HFM1: variants seen among roughly 807,000 people sequenced by gnomAD.
The protein encoded by HFM1 is helicase for meiosis 1.
HFM1 carries 169 observed loss-of-function variants against 192.1 expected under a neutral mutation model. The ratio of observed to expected loss-of-function variants is 0.88; its 90% CI spans 0.78 to 1.00. The LOEUF (loss-of-function observed/expected upper bound fraction) is 1.00, where lower values mean the gene tolerates loss of function less well. Ranked by LOEUF, HFM1 falls within the 50% of genes least tolerant of loss-of-function variation. HFM1 has a pLI of 0.00. For missense variants in HFM1, 1,661 were observed against 1,668.0 expected, an observed-to-expected ratio of 1.00 and a Z score of 0.07; for synonymous variants, 525 against 537.8, an observed-to-expected ratio of 0.98 and a Z score of 0.33.
chr1:91,318,179 CCAT>C (rs1300405333), intron 25 of HFM1, among the ~76,000 whole-genome samples: 6 of 152,106 alleles, frequency 3.9e-5, no homozygotes, highest in Admixed American at 3.3e-4. Context: ...GTGAGCCTTT[CCAT>C]CAGGAATCTC....
intron 13 of HFM1, among the ~76,000 whole-genome samples, chr1:91,356,728 AAG>A (rs1553120697): frequency 6.7e-6 from 1 of 149,814 alleles, no homozygotes; most frequent in African/African-American, 2.5e-5. Context: ...AGGAAAAAAA[AAG>A]AAGAAACAAA....
chr1:91,369,421 C>A (rs924408196), intron 13 of HFM1, among the ~76,000 whole-genome samples: 7 of 152,118 alleles, frequency 4.6e-5, no homozygotes, highest in Admixed American at 3.3e-4. Context: ...AGTGCAATCA[C>A]ACTAGAACTC....
rs767798908 is a variant in HFM1, at chr1:91,316,410, T to C, written c.2879A>G (p.Asp960Gly). 1.3e-6 allele frequency: 2 copies of C among 1,571,242 alleles called. No homozygotes were observed. Among genetic ancestry groups the C allele is most frequent in the Admixed American group, 3.5e-5 (2 of 56,424 alleles). The change falls in exon 26 of 39, where the codon GAT becomes GGT. Residue 960 changes from aspartate to glycine, a missense_variant. Physicochemically the swap from Asp to Gly is moderately conservative, Grantham distance 94. Coordinates refer to ENST00000370425, the MANE Select transcript of HFM1 (RefSeq NM_001017975.6). The part of the protein sequence containing the change: ...LTSFKKIEET[D>G]ARELELILNR... ...AACTACCAATTCAAGTTCCCTTGCATCTGTCTCTTCTATTTTTTTAAAGGA... is the reference window on the plus strand; with the variant it reads ...AACTACCAATTCAAGTTCCCTTGCACCTGTCTCTTCTATTTTTTTAAAGGA...
chr1:91,383,662 T>C (rs17131418), intron 6 of HFM1, among the ~76,000 whole-genome samples: 30,732 of 152,162 alleles, frequency 0.2, 3,790 homozygotes, highest in South Asian at 0.35. Context: ...GAATTCATTT[T>C]TCATTTTGTC....
intron 30 of HFM1, among the ~76,000 whole-genome samples, chr1:91,280,075 G>A (rs140681445): frequency 6.6e-5 from 10 of 152,016 alleles, no homozygotes; most frequent in Non-Finnish European, 1.5e-4. Context: ...TATTATATCC[G>A]CTATCTCTAC....
chr1:91,329,178 T>C lies in HFM1; in HGVS notation c.2336-4412A>G, dbSNP rs115994764. ...CGTGCAGCGACTTGACCCCAACAAG[T>C]ACCCTTTGCCAGAAAATCGGCTCCA... On this transcript the variant is annotated intron_variant, in intron 20 of 38. Transcript: ENST00000370425. 5.5e-4 allele frequency: 879 copies of C among 1,610,044 alleles called. 3 individuals are homozygous for C. In the African/African-American group the frequency reaches 0.011, roughly 19 times the overall value.
intron 25 of HFM1, 41 bp downstream of exon 25, chr1:91,319,037 T>C (rs774490356): frequency 4.4e-5 from 68 of 1,540,580 alleles, no homozygotes; most frequent in Non-Finnish European, 5.7e-5. Context: ...CAAAATAAAT[T>C]GCAGACATGG....
intron 20 of HFM1, among the ~76,000 whole-genome samples, chr1:91,336,361 C>T (rs1654579508): frequency 6.6e-6 from 1 of 151,220 alleles, no homozygotes; most frequent in Non-Finnish European, 1.5e-5. Context: ...CACCATGTTC[C>T]CTCCCCCTGC....
intron 20 of HFM1, among the ~76,000 whole-genome samples, chr1:91,329,849 C>T (rs377260188): frequency 6.6e-6 from 1 of 152,112 alleles, no homozygotes; most frequent in African/African-American, 2.4e-5. Flanking sequence ...AAGGGGGAGA[C>T]AAAAGATGTA....
At chr1:91,318,939 G>T in intron 25 of HFM1, 139 bp downstream of exon 25, 1 of 711,692 alleles carries the variant, frequency 1.4e-6, no homozygotes, top group Non-Finnish European at 2.2e-6. Flanking sequence ...TCAGATTTTC[G>T]AAAGTACAGC....
chr1:91,364,632 A>ATATATATATATTTT (rs753472335), intron 13 of HFM1, among the ~76,000 whole-genome samples: 13 of 66,782 alleles, frequency 1.9e-4, no homozygotes, highest in Admixed American at 1.3e-3. Context: ...ATATATATAT[A>ATATATATATATTTT]TTTTTTTTTT....
chr1:91,282,675 C>G (rs1667565889), intron 30 of HFM1, among the ~76,000 whole-genome samples: 1 of 152,150 alleles, frequency 6.6e-6, no homozygotes, highest in African/African-American at 2.4e-5. Context: ...ACTGATCTAT[C>G]AACAATTCTC....
chr1:91,375,608 A>T lies in HFM1; in HGVS notation c.1515T>A (p.Thr505=), dbSNP rs1271338913. Reference sequence around the variant, plus strand: ...TGAGGGTTAAATCAAACTTAAACTCAGTTTGGTTACTACTGCAGGGAAATC... The same window carrying T: ...TGAGGGTTAAATCAAACTTAAACTCTGTTTGGTTACTACTGCAGGGAAATC... ...VLGFPCSSNQ[T]EFKFDLTLNY... Residue 505 remains threonine, a synonymous_variant, in exon 12 of 39, where the codon ACT becomes ACA. Transcript: ENST00000370425. 1.9e-6 allele frequency: 3 copies of T among 1,613,556 alleles called. No individual in the cohort carries two copies. In the Admixed American group the frequency reaches 5.0e-5, roughly 27 times the overall value.
At chr1:91,403,903 G>A (rs1452534606) in intron 1 of HFM1, among the ~76,000 whole-genome samples, 1 of 151,890 alleles carries the variant, frequency 6.6e-6, no homozygotes, top group East Asian at 1.9e-4. Flanking sequence ...TACAATTATT[G>A]TATAAACTTA....
At chr1:91,369,191 G>A (rs187249604) in intron 13 of HFM1, among the ~76,000 whole-genome samples, 2 of 152,074 alleles carry the variant, frequency 1.3e-5, no homozygotes, top group African/African-American at 2.4e-5. Flanking sequence ...ACAGATCAAC[G>A]AGACAGAACA....
rs764687052 is a variant in HFM1 at position 91,313,481 on chromosome 1, G to A, written c.3259C>T (p.Gln1087Ter). The A allele has an allele frequency of 6.3e-7, 1 of 1,579,950 alleles. No homozygotes were observed. The highest frequency in any genetic ancestry group is 8.6e-7 in the Non-Finnish European group (1 of 1,164,360). ...ISSEFVGLDI[Q>*]QKLTVFYLEP... ...AAGTAAAAGACTGTAAGTTTCTGCT[G>A]AATATCAAGCCCAACTGGAAAATGA... The change falls in exon 30 of 39, where the codon CAG becomes TAG. Residue 1087 changes from glutamine (Q) to a stop codon, truncating the protein, a stop_gained. Coordinates refer to ENST00000370425, the MANE Select transcript of HFM1 (RefSeq NM_001017975.6). LOFTEE classifies it high-confidence loss of function.
rs1661092720 is a variant in HFM1 at position 91,377,941 on chromosome 1, A to G, written c.1395+84T>C. ...TTCCTATTAAAGGAAAGGACAAAAAAATTCACTTTTCTCTATGATCAAGAT... is the reference window on the plus strand; with the variant it reads ...TTCCTATTAAAGGAAAGGACAAAAAGATTCACTTTTCTCTATGATCAAGAT... On this transcript the variant is annotated intron_variant, in intron 11 of 38. Transcript: ENST00000370425. 4 of 1,263,956 alleles carry G rather than the reference A, an allele frequency of 3.2e-6. No individual in the cohort carries two copies. The East Asian group carries it at 9.3e-5, about 29-fold the overall frequency. The allele number at this position is 1,263,956 out of a possible 1,614,324, so 78.3% of individuals were successfully genotyped here. A position where few individuals can be genotyped will look rare whatever the true frequency, so the allele number is the denominator to read the frequency against.
chr1:91,289,726 C>T (rs970143128), intron 30 of HFM1, among the ~76,000 whole-genome samples: 12 of 152,182 alleles, frequency 7.9e-5, no homozygotes, highest in South Asian at 4.2e-4. Context: ...TCAGGCGTGG[C>T]GGCGCGCGCC....
intron 30 of HFM1, among the ~76,000 whole-genome samples, chr1:91,292,046 G>C (rs1227331361): frequency 6.6e-6 from 1 of 151,962 alleles, no homozygotes; most frequent in Non-Finnish European, 1.5e-5. Context: ...TTGATGGGAC[G>C]TATCTCAAAA....
Sources: gnomAD v4.1 joint callset for allele counts (sites outside exome capture counted in the v4.1 genomes callset) on GRCh38, gnomAD v4.1.1 for gene constraint, MANE v1.5 for transcripts, NCBI Gene and HGNC (gene_info 2026-07-23, HGNC 2026-07-21) for gene names.